The following VPS13B variants were observed in gnomAD, a reference collection of about 807,000 sequenced individuals.
VPS13B encodes intermembrane lipid transfer protein VPS13B.
Under a neutral mutation model 426.4 loss-of-function variants are expected in VPS13B, and 285 were observed. The observed-to-expected ratio is 0.67, with a 90% CI of 0.61 to 0.74. VPS13B has a LOEUF of 0.74. Ranked by LOEUF, VPS13B falls within the 30% of genes least tolerant of loss-of-function variation. The pLI, the probability that VPS13B is intolerant of heterozygous loss-of-function variation, is 0.00. For missense variants in VPS13B, 4,537 were observed against 4,782.6 expected (o/e 0.95, Z 1.51); for synonymous variants, 1,676 against 1,676.4 (o/e 1.00, Z 0.01).
intron 43 of VPS13B, among the ~76,000 whole-genome samples, chr8:99,788,383 TAAAAAAA>T (rs5893498): frequency 1.9e-5 from 2 of 102,924 alleles, no homozygotes; most frequent in African/African-American, 3.6e-5. Flanking sequence ...GACCCCATCT[TAAAAAAA>T]AAAAAAAAAA....
chr8:99,734,607 A>T (rs552766280), intron 39 of VPS13B, among the ~76,000 whole-genome samples: 75 of 152,342 alleles, frequency 4.9e-4, no homozygotes, highest in African/African-American at 1.8e-3. Context: ...TTATTCCATA[A>T]ATAAGCACTT....
intron 3 of VPS13B, among the ~76,000 whole-genome samples, chr8:99,090,652 A>G (rs1351548088): frequency 6.6e-6 from 1 of 152,094 alleles, no homozygotes; most frequent in African/African-American, 2.4e-5. Context: ...AAAGGTATCA[A>G]TTTTACTACT....
At chr8:99,546,167 G>A (rs1296755233) in intron 30 of VPS13B, among the ~76,000 whole-genome samples, 4 of 151,662 alleles carry the variant, frequency 2.6e-5, no homozygotes, top group Non-Finnish European at 4.4e-5. Flanking sequence ...TTTGTGAGTC[G>A]GAAGTAACTC....
intron 35 of VPS13B, among the ~76,000 whole-genome samples, chr8:99,668,845 C>G (rs542296403): frequency 6.6e-6 from 1 of 152,046 alleles, no homozygotes; most frequent in Non-Finnish European, 1.5e-5. Flanking sequence ...TTTAAAATGT[C>G]GTCATTTTAA....
At chr8:99,531,438 A>G (rs1822928524) in intron 30 of VPS13B, among the ~76,000 whole-genome samples, 1 of 152,172 alleles carries the variant, frequency 6.6e-6, no homozygotes, top group Non-Finnish European at 1.5e-5. Flanking sequence ...TTTAAAAGTC[A>G]TTATAAAACA....
At chr8:99,336,839 C>T (rs374227542) in intron 19 of VPS13B, among the ~76,000 whole-genome samples, 2,451 of 152,064 alleles carry the variant, frequency 0.016, 34 homozygotes, top group South Asian at 0.044. Context: ...GATAGAATGG[C>T]GATCATTAAA....
intron 19 of VPS13B, among the ~76,000 whole-genome samples, chr8:99,322,276 C>G (rs1260960066): frequency 1.3e-5 from 2 of 152,128 alleles, no homozygotes; most frequent in Non-Finnish European, 2.9e-5. Context: ...TACAAATGCT[C>G]TATGAAAATG....
intron 21 of VPS13B, among the ~76,000 whole-genome samples, chr8:99,429,307 A>G (rs1474583307): frequency 6.6e-6 from 1 of 151,638 alleles, no homozygotes; most frequent in East Asian, 1.9e-4. Flanking sequence ...AAGAAAAAGT[A>G]TGTCTGATTG....
At chr8:99,861,726 TCCATCA>T in intron 57 of VPS13B, 44 bp from the exon 58 acceptor site, 8 of 1,560,008 alleles carry the variant, frequency 5.1e-6, no homozygotes, top group Non-Finnish European at 6.9e-6. Flanking sequence ...TGCCTTGGGG[TCCATCA>T]TGTATGCGAC....
rs1478993821 is a variant in VPS13B, at chr8:99,870,640, TTATC to T, written c.11393-141_11393-138del. On this transcript the variant is annotated intron_variant, in intron 59 of 61. Coordinates refer to ENST00000357162, the MANE Select transcript of VPS13B (RefSeq NM_152564.5). ...TTAAGAGCATTGTAATGTTTAATGA[TTATC>T]TATACGCTTGCTTCCAAAGATGTGA... is the stretch of plus-strand genomic sequence containing the variant. 7 of 708,692 alleles carry T rather than the reference TTATC, an allele frequency of 9.9e-6. No homozygotes were observed. The African/African-American group carries it at 1.1e-4, about 11-fold the overall frequency. 43.9% of individuals were successfully genotyped at this position (708,692 alleles called of 1,614,324 possible). A position where few individuals can be genotyped will look rare whatever the true frequency, so the allele number is the denominator to read the frequency against.
intron 22 of VPS13B, among the ~76,000 whole-genome samples, chr8:99,438,034 C>CTTTTTTTTTTTTTTT (rs746500253): frequency 1.7e-5 from 2 of 120,588 alleles, no homozygotes; most frequent in African/African-American, 6.2e-5. Flanking sequence ...TTCTTTTCCT[C>CTTTTTTTTTTTTTTT]TTTTTTTTTT....
intron 34 of VPS13B, among the ~76,000 whole-genome samples, chr8:99,647,395 CTACAAAAA>C (rs370190654): frequency 0.022 from 3,360 of 151,898 alleles, 52 homozygotes; most frequent in Non-Finnish European, 0.032. Context: ...AACCCCGTCT[CTACAAAAA>C]TACAAAAATT....
intron 35 of VPS13B, among the ~76,000 whole-genome samples, chr8:99,673,426 T>C (rs188898892): frequency 1.0e-3 from 152 of 152,160 alleles, no homozygotes; most frequent in African/African-American, 3.5e-3. Flanking sequence ...GTTCATGTTA[T>C]TCCCTAAGGA....
chr8:99,586,519 G>A (rs181353528), intron 33 of VPS13B, among the ~76,000 whole-genome samples: 1 of 152,186 alleles, frequency 6.6e-6, no homozygotes, highest in East Asian at 1.9e-4. Context: ...CTTACTGTCT[G>A]TCCCCCTATT....
chr8:99,861,623 C>G (rs1265288720), intron 57 of VPS13B, among the ~76,000 whole-genome samples, 153 bp from the exon 58 acceptor site: 1 of 152,232 alleles, frequency 6.6e-6, no homozygotes, highest in African/African-American at 2.4e-5. Context: ...TCTTAAGGCT[C>G]TTTCTTCAAA....
At chr8:99,053,181 G>A (rs1843654283) in intron 3 of VPS13B, among the ~76,000 whole-genome samples, 1 of 151,528 alleles carries the variant, frequency 6.6e-6, no homozygotes, top group African/African-American at 2.4e-5. Context: ...GGGTACATGT[G>A]CACAACATGC....
At chr8:99,326,452 C>CTTGTTTTTTT (rs1810267861) in intron 19 of VPS13B, among the ~76,000 whole-genome samples, 2 of 32,518 alleles carry the variant, frequency 6.2e-5, no homozygotes, top group Non-Finnish European at 1.0e-4. Flanking sequence ...CTCTAGGTAG[C>CTTGTTTTTTT]TTTTTTTTTT....
Position 99,571,758 on chromosome 8 carries a change from T to G in VPS13B, c.4950-3900T>G, listed in dbSNP as rs543839880. 5.9e-5 allele frequency among the ~76,000 whole-genome samples: 9 copies of G among 152,346 alleles called. No individual in the cohort carries two copies. In the South Asian group the frequency reaches 1.9e-3, roughly 32 times the overall value. On this transcript the variant is annotated intron_variant, in intron 31 of 61. Coordinates refer to ENST00000357162, the MANE Select transcript of VPS13B (RefSeq NM_152564.5). ...AATTTGAGCTATTAGGCTATAATTA[T>G]GATGTCTCTCAGGATCTCAACCCTT...
intron 3 of VPS13B, among the ~76,000 whole-genome samples, chr8:99,090,806 G>A (rs1410724584): frequency 6.6e-6 from 1 of 151,996 alleles, no homozygotes; most frequent in Non-Finnish European, 1.5e-5. Context: ...AGTGAATTTG[G>A]TAAAAATTAG....
Sources: allele counts gnomAD v4.1 joint callset (sites outside exome capture counted in the v4.1 genomes callset), GRCh38; gene constraint gnomAD v4.1.1; transcripts MANE v1.5; gene names NCBI Gene and HGNC (gene_info 2026-07-23, HGNC 2026-07-21).